ATRX: variants seen among roughly 807,000 people sequenced by gnomAD.
ATRX encodes the protein chromatin remodeler ATRX.
A neutral mutation model predicts 172.6 loss-of-function variants in ATRX; 12 were observed. That is an observed-to-expected ratio of 0.07 (90% CI 0.04 to 0.11). ATRX has a LOEUF of 0.11. Ranked by LOEUF, ATRX falls within the 10% of genes least tolerant of loss-of-function variation. The pLI is 1.00. For synonymous variants in ATRX, 674 were observed against 594.7 expected (o/e 1.13, Z -1.94); for missense variants, 1,368 against 1,767.4 (o/e 0.77, Z 4.05).
At chrX:77,555,040 G>A (rs1557058269) in intron 30 of ATRX, among the ~76,000 whole-genome samples, 1 of 111,808 alleles carries the variant, frequency 8.9e-6, no homozygotes, top group Non-Finnish European at 1.9e-5. Flanking sequence ...TGGGATGTCG[G>A]GATCAGAGTG....
intron 15 of ATRX, among the ~76,000 whole-genome samples, chrX:77,646,526 A>G (rs1368383657): frequency 8.9e-6 from 1 of 112,221 alleles, no homozygotes; most frequent in Non-Finnish European, 1.9e-5. Context: ...CTAAAACAAA[A>G]AAAGAGAGAA....
At chrX:77,653,381 T>G (rs1412985839) in intron 14 of ATRX, among the ~76,000 whole-genome samples, 11 of 112,212 alleles carry the variant, frequency 9.8e-5, no homozygotes, top group Non-Finnish European at 1.9e-5. Context: ...GGGAATGAAA[T>G]TCTGATATAT....
chrX:77,692,743 C>A (rs1263178992), intron 6 of ATRX, among the ~76,000 whole-genome samples: 1 of 111,145 alleles, frequency 9.0e-6, no homozygotes, highest in Non-Finnish European at 1.9e-5. Context: ...TATATAGGCA[C>A]CATTTAAGAA....
chrX:77,707,473 G>A (rs1004511261), intron 2 of ATRX, among the ~76,000 whole-genome samples: 7 of 112,302 alleles, frequency 6.2e-5, no homozygotes, highest in African/African-American at 2.3e-4. Flanking sequence ...GGCTGGGCAC[G>A]GTGGCTCACG....
chrX:77,521,122 T>C (rs192315368), intron 33 of ATRX: 170 of 440,251 alleles, frequency 3.9e-4, no homozygotes, highest in Non-Finnish European at 4.5e-4. Flanking sequence ...AACAATAATT[T>C]AGATTTAATT....
intron 1 of ATRX, among the ~76,000 whole-genome samples, chrX:77,779,029 G>A (rs1322006455): frequency 4.7e-5 from 5 of 106,201 alleles, no homozygotes; most frequent in South Asian, 4.3e-4. Context: ...CCAGGTTCAC[G>A]AAGTTCTCCT....
chrX:77,655,296 G>GA (rs1295045927), intron 13 of ATRX, among the ~76,000 whole-genome samples: 5 of 109,101 alleles, frequency 4.6e-5, no homozygotes, highest in Non-Finnish European at 7.7e-5. Flanking sequence ...TACCATGAAA[G>GA]AAAAAAAATG....
At chrX:77,585,328 C>G (rs1163025846) in intron 27 of ATRX, among the ~76,000 whole-genome samples, 1 of 109,277 alleles carries the variant, frequency 9.2e-6, no homozygotes, top group Non-Finnish European at 1.9e-5. Flanking sequence ...AATCCCAGCA[C>G]TTTGGGAGGC....
In ATRX at chrX:77,654,310, C is replaced by A; in HGVS notation, c.4215-110G>T. The A allele has an allele frequency of 8.4e-6, 5 of 597,558 alleles. No homozygotes were observed. In the Admixed American group the frequency reaches 8.8e-5, roughly 11 times the overall value. 49.2% of individuals were successfully genotyped at this position (597,558 alleles called of 1,213,427 possible). On this transcript the variant is annotated intron_variant, in intron 13 of 34. Coordinates refer to ENST00000373344, the MANE Select transcript of ATRX (RefSeq NM_000489.6). ...CTCTGTATGCATTCCTAAAAACAAACAGAAAAAAAATCAATAGGTTCAAAA... is the reference window on the plus strand; with the variant it reads ...CTCTGTATGCATTCCTAAAAACAAAAAGAAAAAAAATCAATAGGTTCAAAA...
chrX:77,701,571 T>C (rs1164952829), intron 2 of ATRX, among the ~76,000 whole-genome samples: 4 of 110,526 alleles, frequency 3.6e-5, no homozygotes, highest in Admixed American at 9.6e-5. Context: ...TTTTAAAATC[T>C]ACAAAAACCC....
At chrX:77,657,125 A>G (rs960780616) in intron 12 of ATRX, among the ~76,000 whole-genome samples, 2 of 110,994 alleles carry the variant, frequency 1.8e-5, no homozygotes, top group Non-Finnish European at 1.9e-5. Context: ...TTGAATAATG[A>G]CCCCTCTACA....
rs782731274 is a variant in ATRX, at chrX:77,701,287, A to G, written c.134-2658T>C. On this transcript the variant is annotated intron_variant, in intron 2 of 34. Coordinates refer to ENST00000373344, the MANE Select transcript of ATRX (RefSeq NM_000489.6). ...AGCACTTTGGGAGGCTGAGGTGGGC[A>G]GATCACCTGAGGTCAGGAGTTCGAG... Among the ~76,000 whole-genome samples the G allele has an allele frequency of 8.1e-5, 9 of 110,689 alleles. No homozygotes were observed. The South Asian group carries it at 3.1e-3, about 38-fold the overall frequency.
intron 1 of ATRX, among the ~76,000 whole-genome samples, chrX:77,763,444 C>T (rs2075793966): frequency 2.0e-5 from 2 of 99,698 alleles, no homozygotes; most frequent in South Asian, 9.9e-4. Flanking sequence ...GGGCCCAACC[C>T]ATTATACTAT....
chrX:77,711,448 T>C (rs182934303), intron 2 of ATRX, among the ~76,000 whole-genome samples: 140 of 112,324 alleles, frequency 1.2e-3, no homozygotes, highest in African/African-American at 4.2e-3. Context: ...ACTGTCTAAG[T>C]AGAAAATCCC....
Position 77,684,038 on chromosome X carries a change from A to G in ATRX, c.1218T>C (p.His406=). Residue 406 remains histidine, a synonymous_variant, in exon 9 of 35, where the codon CAT becomes CAC. Coordinates refer to ENST00000373344, the MANE Select transcript of ATRX (RefSeq NM_000489.6). The part of the protein sequence containing the change: ...KSVLADIKKA[H]LALEEDLNSE... ...AATTTAAGTCTTCTTCCAATGCAAGATGAGCCTTCTTAATATCAGCCAACA... is the reference window on the plus strand; with the variant it reads ...AATTTAAGTCTTCTTCCAATGCAAGGTGAGCCTTCTTAATATCAGCCAACA... The G allele has an allele frequency of 8.3e-7, 1 of 1,206,808 alleles. No individual in the cohort carries two copies. The highest frequency in any genetic ancestry group is 1.1e-6 in the Non-Finnish European group (1 of 890,852).
chrX:77,612,569 A>G (rs2067203492), intron 22 of ATRX, among the ~76,000 whole-genome samples: 1 of 111,298 alleles, frequency 9.0e-6, no homozygotes, highest in South Asian at 3.8e-4. Context: ...CATGTATCCC[A>G]GAACTTAAAG....
At chrX:77,654,228 A>C (rs1241815738) in intron 13 of ATRX, 28 bp from the exon 14 acceptor site, 1 of 1,104,542 alleles carries the variant, frequency 9.1e-7, no homozygotes, top group Non-Finnish European at 1.2e-6. Flanking sequence ...CACAAAATAA[A>C]ATATTTCATG....
chrX:77,573,188 T>C (rs781820730), intron 28 of ATRX, among the ~76,000 whole-genome samples: 25 of 111,952 alleles, frequency 2.2e-4, no homozygotes, highest in Non-Finnish European at 4.0e-4. Context: ...ATAATACATA[T>C]TTTTACTGTA....
At chrX:77,642,056 G>T (rs1485772447) in intron 15 of ATRX, among the ~76,000 whole-genome samples, 1 of 110,926 alleles carries the variant, frequency 9.0e-6, no homozygotes, top group African/African-American at 3.3e-5. Context: ...TTAAAAATTA[G>T]CAATAGGGCA....
Sources: gnomAD v4.1 joint callset for allele counts (sites outside exome capture counted in the v4.1 genomes callset) on GRCh38, gnomAD v4.1.1 for gene constraint, MANE v1.5 for transcripts, NCBI Gene and HGNC (gene_info 2026-07-23, HGNC 2026-07-21) for gene names.